The following SV2B variants were observed in gnomAD, a reference collection of about 807,000 sequenced individuals.
SV2B encodes the protein synaptic vesicle glycoprotein 2B, also known as solute carrier family 22 member B2.
A neutral mutation model predicts 73.9 loss-of-function variants in SV2B; 41 were observed. The observed-to-expected ratio is 0.56, with a 90% confidence interval of 0.43 to 0.72. SV2B has a LOEUF of 0.72. SV2B is among the 30% of genes least tolerant of loss of function. The pLI, the probability that SV2B is intolerant of heterozygous loss-of-function variation, is 0.00. For missense variants in SV2B, 764 were observed against 857.8 expected, an observed-to-expected ratio of 0.89 and a Z score of 1.37; for synonymous variants, 314 against 314.2, an observed-to-expected ratio of 1.00 and a Z score of 0.01.
chr15:91,157,780 G>A (rs531080407), intron 1 of SV2B, among the ~76,000 whole-genome samples: 21 of 152,286 alleles, frequency 1.4e-4, no homozygotes, highest in African/African-American at 4.6e-4. Context: ...TCTGCCTATA[G>A]GACAAAGAAC....
At chr15:91,160,302 C>G (rs1481046350) in intron 1 of SV2B, among the ~76,000 whole-genome samples, 1 of 152,168 alleles carries the variant, frequency 6.6e-6, no homozygotes, top group Admixed American at 6.5e-5. Flanking sequence ...ATGATAATTA[C>G]TGTACCAGAT....
At chr15:91,156,684 C>G (rs2043501422) in intron 1 of SV2B, among the ~76,000 whole-genome samples, 1 of 152,172 alleles carries the variant, frequency 6.6e-6, no homozygotes, top group Non-Finnish European at 1.5e-5. Flanking sequence ...CTGGAAATCT[C>G]TAGTTGAAAA....
intron 1 of SV2B, among the ~76,000 whole-genome samples, chr15:91,143,039 A>C (rs1309553492): frequency 6.6e-6 from 1 of 152,236 alleles, no homozygotes; most frequent in East Asian, 1.9e-4. Context: ...CACCTGTGAC[A>C]GCACAGCCAG....
chr15:91,176,674 C>T (rs1215018001), intron 1 of SV2B, among the ~76,000 whole-genome samples: 2 of 151,792 alleles, frequency 1.3e-5, no homozygotes, highest in Non-Finnish European at 2.9e-5. Context: ...TGTCTTTTGG[C>T]TGCATAAATG....
At chr15:91,162,255 A>G (rs1220561291) in intron 1 of SV2B, among the ~76,000 whole-genome samples, 4 of 152,162 alleles carry the variant, frequency 2.6e-5, no homozygotes, top group African/African-American at 9.7e-5. Context: ...TCTTTCTTCC[A>G]GAAAATACCA....
chr15:91,176,101 C>T (rs995928948), intron 1 of SV2B, among the ~76,000 whole-genome samples: 4 of 148,948 alleles, frequency 2.7e-5, no homozygotes, highest in African/African-American at 9.9e-5. Flanking sequence ...CATGTGTTCT[C>T]ATTGTTCAAT....
chr15:91,195,527 A>T (rs763853257), intron 1 of SV2B, among the ~76,000 whole-genome samples: 1 of 152,202 alleles, frequency 6.6e-6, no homozygotes, highest in African/African-American at 2.4e-5. Context: ...ACCTGGGTTG[A>T]TGCAACTTCC....
At chr15:91,183,559 A>G (rs2044663800) in intron 1 of SV2B, among the ~76,000 whole-genome samples, 1 of 152,198 alleles carries the variant, frequency 6.6e-6, no homozygotes, top group African/African-American at 2.4e-5. Context: ...TCCACATGAC[A>G]CAGTAGGTGC....
intron 2 of SV2B, among the ~76,000 whole-genome samples, chr15:91,248,206 A>G (rs1174080859): frequency 6.6e-6 from 1 of 152,148 alleles, no homozygotes; most frequent in Non-Finnish European, 1.5e-5. Flanking sequence ...CTGTAGTCCC[A>G]GCTACTAGGG....
Position 91,134,003 on chromosome 15 carries a change from C to CATTTTTTTTT in SV2B, c.-392+33640_-392+33641insATTTTTTTTT, listed in dbSNP as rs1567278795. 4.7e-4 allele frequency among the ~76,000 whole-genome samples: 23 copies of CATTTTTTTTT among 49,324 alleles called. No homozygotes were observed. The East Asian group carries it at 0.012, about 26-fold the overall frequency. The allele number at this position is 49,324 out of a possible 152,430, so 32.4% of individuals were successfully genotyped here. A position where few individuals can be genotyped will look rare whatever the true frequency, so the allele number is the denominator to read the frequency against. On this transcript the variant is annotated intron_variant, in intron 1 of 12. Transcript: ENST00000394232. Reference sequence around the variant, plus strand: ...ATGCCTCTTCACCACTTTCTTTCTTCCTTTTTTTTTTTTGAGATGGAGTCT... The same window carrying CATTTTTTTTT: ...ATGCCTCTTCACCACTTTCTTTCTTCATTTTTTTTTCTTTTTTTTTTTTGAGATGGAGTCT...
intron 1 of SV2B, among the ~76,000 whole-genome samples, chr15:91,191,063 C>CTTTTTTTGTTTTTTTTTTTTTTTTTTT (rs2044996471): frequency 1.6e-5 from 1 of 64,238 alleles, no homozygotes. Flanking sequence ...TTTGGTGTTT[C>CTTTTTTTGTTTTTTTTTTTTTTTTTTT]TTTTTTTTTT....
chr15:91,199,000 C>T (rs1249116667), intron 1 of SV2B, among the ~76,000 whole-genome samples: 1 of 152,134 alleles, frequency 6.6e-6, no homozygotes, highest in Admixed American at 6.5e-5. Context: ...AATATAAATA[C>T]TTAAAACTTA....
chr15:91,165,789 G>C (rs1455236366), intron 1 of SV2B, among the ~76,000 whole-genome samples: 1 of 152,136 alleles, frequency 6.6e-6, no homozygotes, highest in African/African-American at 2.4e-5. Context: ...AGAATTCGAG[G>C]AGAAAAATAG....
chr15:91,148,554 T>C (rs893992326), intron 1 of SV2B, among the ~76,000 whole-genome samples: 41 of 152,176 alleles, frequency 2.7e-4, no homozygotes, highest in African/African-American at 9.7e-4. Context: ...TAAAGCCTGG[T>C]AAAGTCATGG....
intron 1 of SV2B, among the ~76,000 whole-genome samples, chr15:91,180,536 G>A (rs1356410937): frequency 6.6e-6 from 1 of 152,158 alleles, no homozygotes; most frequent in Non-Finnish European, 1.5e-5. Flanking sequence ...TAACCAATCA[G>A]ATGTAGATTT....
At chr15:91,165,253 C>A (rs887085784) in intron 1 of SV2B, among the ~76,000 whole-genome samples, 5 of 152,142 alleles carry the variant, frequency 3.3e-5, no homozygotes, top group African/African-American at 1.2e-4. Context: ...ATCACTTGAA[C>A]CCAGGTGGTA....
At chr15:91,291,261 G>T (rs1402612217) in intron 12 of SV2B, among the ~76,000 whole-genome samples, 1 of 150,842 alleles carries the variant, frequency 6.6e-6, no homozygotes, top group Non-Finnish European at 1.5e-5. Context: ...CTTGAAAAAA[G>T]TTTATTTAAA....
Position 91,110,798 on chromosome 15 carries a change from A to G in SV2B, c.-392+10435A>G, listed in dbSNP as rs922262332. ...ATGACAAGTGACGAACACATCCCAC[A>G]CATGCCAGTGTAAGGGTCTGTGAAT... On this transcript the variant is annotated intron_variant, in intron 1 of 12. Transcript: ENST00000394232. This position sits in a 1 kb window ranked among gnomAD's most constrained non-coding sequence, Gnocchi z 5.4. Among the ~76,000 whole-genome samples the G allele has an allele frequency of 3.9e-5, 6 of 152,222 alleles. No individual in the cohort carries two copies. The South Asian group carries it at 6.2e-4, about 16-fold the overall frequency.
intron 1 of SV2B, among the ~76,000 whole-genome samples, chr15:91,180,617 T>A (rs1452895068): frequency 1.1e-4 from 17 of 152,202 alleles, no homozygotes; most frequent in Non-Finnish European, 1.2e-4. Context: ...TCTCTAAACT[T>A]CCCTTCTCGC....
Sources: allele counts gnomAD v4.1 joint callset (sites outside exome capture counted in the v4.1 genomes callset), GRCh38; gene constraint gnomAD v4.1.1; non-coding constraint Gnocchi (gnomAD v3.1); transcripts MANE v1.5; gene names NCBI Gene and HGNC (gene_info 2026-07-23, HGNC 2026-07-21).